MCCC1: variants seen among roughly 807,000 people sequenced by gnomAD.
MCCC1 encodes methylcrotonyl-CoA carboxylase subunit 1, also known as methylcrotonoyl-CoA carboxylase subunit alpha, mitochondrial.
In MCCC1, 64 loss-of-function variants were observed where a neutral mutation model predicts 83.8. The ratio of observed to expected loss-of-function variants is 0.76; its 90% CI spans 0.62 to 0.94. MCCC1 has a LOEUF of 0.94. Ranked by LOEUF, MCCC1 falls within the 40% of genes least tolerant of loss-of-function variation. The pLI, the probability that MCCC1 is intolerant of heterozygous loss-of-function variation, is 0.00. For missense variants in MCCC1, 807 were observed against 904.7 expected (o/e 0.89, Z 1.39); for synonymous variants, 322 against 315.4 (o/e 1.02, Z -0.22).
In MCCC1 at chr3:183,037,260, T is replaced by G. The variant is rs1382740958; in HGVS notation, c.1552A>C (p.Lys518Gln). The change falls in exon 13 of 19, where the codon AAG (lysine) becomes CAG (glutamine). Residue 518 changes from lysine to glutamine, a missense_variant. Coordinates refer to ENST00000265594, the MANE Select transcript of MCCC1 (RefSeq NM_020166.5). ...LCQAALGLIL[K>Q]EKAMTDTFTL... Reference sequence around the variant, plus strand: ...AAAGTGTCGGTCATGGCTTTCTCCTTGAGGATGAGACCCAGGGCTGCCTGG... The same window carrying G: ...AAAGTGTCGGTCATGGCTTTCTCCTGGAGGATGAGACCCAGGGCTGCCTGG... 1 of 1,614,062 alleles carries G rather than the reference T, an allele frequency of 6.2e-7. No individual in the cohort carries two copies.
intron 14 of MCCC1, among the ~76,000 whole-genome samples, chr3:183,032,833 C>A (rs1713193884): frequency 6.7e-6 from 1 of 150,142 alleles, no homozygotes; most frequent in East Asian, 2.0e-4. Flanking sequence ...AAGATCGTGC[C>A]ACTGCACTCC....
At chr3:183,072,716 T>G (rs1342055737) in intron 4 of MCCC1, among the ~76,000 whole-genome samples, 1 of 152,222 alleles carries the variant, frequency 6.6e-6, no homozygotes, top group Non-Finnish European at 1.5e-5. Flanking sequence ...AATATATACA[T>G]AGCAAAACAC....
rs530582613 is a variant in MCCC1 at position 183,060,924 on chromosome 3, C to T, written c.762-3502G>A. Among the ~76,000 whole-genome samples the T allele has an allele frequency of 6.6e-5, 10 of 152,216 alleles. No individual in the cohort carries two copies. In the South Asian group the frequency reaches 1.5e-3, roughly 22 times the overall value. On this transcript the variant is annotated intron_variant, in intron 7 of 18. Transcript: ENST00000265594. Reference sequence around the variant, plus strand: ...ATGAACTCATCCTTTTTTATGGCTGCGAGCATCTATTAATATTACGTAGGA... The same window carrying T: ...ATGAACTCATCCTTTTTTATGGCTGTGAGCATCTATTAATATTACGTAGGA...
chr3:183,067,892 A>T (rs1051830474), intron 7 of MCCC1, among the ~76,000 whole-genome samples: 7 of 152,072 alleles, frequency 4.6e-5, no homozygotes, highest in Non-Finnish European at 8.8e-5. Flanking sequence ...ATTTTTTTTT[A>T]AAAACACATA....
chr3:183,072,314 C>T, intron 5 of MCCC1, 52 bp downstream of exon 5: 1 of 1,606,646 alleles, frequency 6.2e-7, no homozygotes. Flanking sequence ...CTGGCCCAAA[C>T]TATTTCAACT....
chr3:183,069,963 A>G (rs1287002106), intron 7 of MCCC1, among the ~76,000 whole-genome samples: 2 of 152,228 alleles, frequency 1.3e-5, no homozygotes, highest in African/African-American at 2.4e-5. Flanking sequence ...TCTCAGCTTT[A>G]CTACTTAACA....
Position 183,081,858 on chromosome 3 carries a change from C to T in MCCC1, c.369+4835G>A, listed in dbSNP as rs1048249018. On this transcript the variant is annotated intron_variant, in intron 4 of 18. Transcript: ENST00000265594. ...GTGCCAAAGTTGTCCATCTTGCAGC[C>T]GGACAGGTGGGAGCCAGGACACAGC... Among the ~76,000 whole-genome samples, 6 of 152,118 alleles carry T rather than the reference C, an allele frequency of 3.9e-5. No individual in the cohort carries two copies. The South Asian group carries it at 6.2e-4, about 16-fold the overall frequency.
intron 4 of MCCC1, 105 bp from the exon 5 acceptor site, chr3:183,072,592 G>A: frequency 2.5e-6 from 3 of 1,217,818 alleles, no homozygotes; most frequent in South Asian, 2.5e-5. Flanking sequence ...CCCTACACTG[G>A]TAATAGTATG....
chr3:183,024,696 T>C (rs1334205632), intron 15 of MCCC1, among the ~76,000 whole-genome samples: 2 of 151,926 alleles, frequency 1.3e-5, no homozygotes, highest in Non-Finnish European at 2.9e-5. Context: ...GCACTGTTGA[T>C]GGGACTGTAA....
chr3:183,103,862 G>T (rs1410577266), upstream of MCCC1, among the ~76,000 whole-genome samples: 1 of 152,204 alleles, frequency 6.6e-6, no homozygotes, highest in Non-Finnish European at 1.5e-5. Context: ...GCTCAGGCAT[G>T]GCGGGCTGCA....
chr3:183,030,073 C>G (rs976443927), intron 14 of MCCC1, among the ~76,000 whole-genome samples: 8 of 152,066 alleles, frequency 5.3e-5, no homozygotes, highest in African/African-American at 1.7e-4. Context: ...TTTGGGAGGC[C>G]GAGGTGGGCG....
rs2108528575 is a variant in MCCC1, at chr3:183,072,459, G to A, written c.398C>T (p.Ser133Leu). The A allele has an allele frequency of 6.2e-7, 1 of 1,613,778 alleles. No individual in the cohort carries two copies. Among genetic ancestry groups the A allele is most frequent in the Non-Finnish European group, 8.5e-7 (1 of 1,179,800 alleles). The change falls in exon 5 of 19, where the codon TCA becomes TTA. Residue 133 changes from serine to leucine, a missense_variant. By Grantham distance (145) the Ser-to-Leu change is moderately radical. Transcript: ENST00000265594. Reference sequence around the variant, plus strand: ...AAGTTCAGCAAATTCCATGTTTTCTGAGAGAAAACCGCATCCTGGATGGAT... The same window carrying A: ...AAGTTCAGCAAATTCCATGTTTTCTAAGAGAAAACCGCATCCTGGATGGAT... ...QAIHPGCGFL[S>L]ENMEFAELCK...
At position 183,064,803 on chromosome 3, in the gene MCCC1, T is replaced by C. The variant is rs7622140; in HGVS notation, c.761+6196A>G. Among the ~76,000 whole-genome samples, 149,010 of 152,322 alleles carry C rather than the reference T, an allele frequency of 0.98. 72,899 individuals are homozygous for C. Among genetic ancestry groups the C allele is most frequent in the East Asian group, 1 (5,162 of 5,162 alleles). The stretch of plus-strand genomic sequence containing the variant: ...GGCAGGAGGCGCCTCAGAGCCATGG[T>C]GGGCAAAAGATCCCTTCTTAACTGA... On this transcript the variant is annotated intron_variant, in intron 7 of 18. Coordinates refer to ENST00000265594, the MANE Select transcript of MCCC1 (RefSeq NM_020166.5). The surrounding 1 kb of genome is among the most constrained non-coding windows in gnomAD (Gnocchi z 4.5).
At chr3:183,081,637 A>T (rs1717504241) in intron 4 of MCCC1, among the ~76,000 whole-genome samples, 1 of 152,272 alleles carries the variant, frequency 6.6e-6, no homozygotes, top group Non-Finnish European at 1.5e-5. Context: ...TGAGGTGGAC[A>T]TCCAGACCTG....
intron 1 of MCCC1, among the ~76,000 whole-genome samples, chr3:183,114,773 T>C (rs1719562669): frequency 6.6e-6 from 1 of 152,242 alleles, no homozygotes; most frequent in East Asian, 1.9e-4. Context: ...TGGTGTTTTA[T>C]TGGAGTGACC....
intron 1 of MCCC1, among the ~76,000 whole-genome samples, chr3:183,110,607 A>G (rs1719477318): frequency 6.6e-6 from 1 of 151,932 alleles, no homozygotes; most frequent in East Asian, 1.9e-4. Flanking sequence ...TGTTAGTCAG[A>G]ATGGTCTCGA....
At chr3:183,098,924 G>T (rs948231838) in intron 1 of MCCC1, 2 of 252,114 alleles carry the variant, frequency 7.9e-6, no homozygotes, top group Non-Finnish European at 1.6e-5. Context: ...AGGGCATCCC[G>T]GCCCCATTTC....
chr3:183,108,543 C>T (rs1360084493), intron 1 of MCCC1, among the ~76,000 whole-genome samples: 2 of 152,156 alleles, frequency 1.3e-5, no homozygotes, highest in Non-Finnish European at 2.9e-5. Context: ...TCCTTCTCAA[C>T]ATTACTTCTG....
chr3:183,079,952 C>A (rs1717365569), intron 4 of MCCC1, among the ~76,000 whole-genome samples: 1 of 152,234 alleles, frequency 6.6e-6, no homozygotes, highest in East Asian at 1.9e-4. Flanking sequence ...ACCTTGGCCC[C>A]TTTTAATCAC....
Sources: allele counts gnomAD v4.1 joint callset (sites outside exome capture counted in the v4.1 genomes callset), GRCh38; gene constraint gnomAD v4.1.1; non-coding constraint Gnocchi (gnomAD v3.1); transcripts MANE v1.5; gene names NCBI Gene and HGNC (gene_info 2026-07-23, HGNC 2026-07-21).